Variants in OR3A2 observed in about 807,000 individuals in gnomAD.
The protein encoded by OR3A2 is olfactory receptor family 3 subfamily A member 2, also known as olfactory receptor 3A2.
For synonymous variants in OR3A2, 126 were observed against 159.3 expected (o/e 0.79, Z 1.57); for missense variants, 318 against 392.8 (o/e 0.81, Z 1.61).
intron 3 of OR3A2, among the ~76,000 whole-genome samples, chr17:3,318,944 T>G (rs1029262783): frequency 6.8e-6 from 1 of 146,568 alleles, no homozygotes; most frequent in Non-Finnish European, 1.5e-5. Flanking sequence ...ATTGTAGTTT[T>G]ACTTTGCATT....
upstream of OR3A2, among the ~76,000 whole-genome samples, chr17:3,288,618 C>T (rs866555700): frequency 8.5e-5 from 13 of 152,284 alleles, no homozygotes; most frequent in East Asian, 2.1e-3. Context: ...TACAGTATTT[C>T]ATCTAGTTTT....
Position 3,302,556 on chromosome 17 carries a change from T to A in OR3A2, c.-84-23403A>T, listed in dbSNP as rs188204686. Among the ~76,000 whole-genome samples the A allele has an allele frequency of 6.6e-5, 10 of 152,284 alleles. No individual in the cohort carries two copies. In the East Asian group the frequency reaches 1.9e-3, roughly 29 times the overall value. On this transcript the variant is annotated intron_variant, in intron 3 of 4. Transcript: ENST00000573491. ...AAAGCTGAAACTGGAGCAACAAAAA[T>A]TTTTATACACTGCTGGTGAGATCAT...
intron 3 of OR3A2, chr17:3,291,579 T>C (rs1383390271): frequency 1.4e-6 from 2 of 1,415,900 alleles, no homozygotes; most frequent in Non-Finnish European, 1.9e-6. Context: ...TTTCTGGCTC[T>C]AGAAGACTTT....
At chr17:3,371,838 A>C (rs1488791041) in intron 2 of OR3A2, among the ~76,000 whole-genome samples, 30 of 99,980 alleles carry the variant, frequency 3.0e-4, no homozygotes, top group African/African-American at 1.0e-3. Flanking sequence ...CCTCCCCACC[A>C]CCTCCCGCCC....
intron 2 of OR3A2, among the ~76,000 whole-genome samples, chr17:3,349,117 C>T (rs1438568314): frequency 6.6e-6 from 1 of 152,100 alleles, no homozygotes; most frequent in African/African-American, 2.4e-5. Flanking sequence ...GAAGAAACCG[C>T]ATCAACTAAC....
chr17:3,382,413 T>C (rs61173967), intron 2 of OR3A2, among the ~76,000 whole-genome samples: 2,331 of 152,300 alleles, frequency 0.015, 64 homozygotes, highest in African/African-American at 0.052. Context: ...GGAAACCCAC[T>C]GAAGTCTCTG....
chr17:3,375,459 T>C (rs2049675608), intron 2 of OR3A2, among the ~76,000 whole-genome samples: 1 of 151,664 alleles, frequency 6.6e-6, no homozygotes, highest in Admixed American at 6.6e-5. Context: ...TATGCCACCA[T>C]GTCTGGCTCA....
chr17:3,367,295 T>C (rs111330007), intron 2 of OR3A2, among the ~76,000 whole-genome samples: 97 of 152,260 alleles, frequency 6.4e-4, no homozygotes, highest in Admixed American at 1.2e-3. Context: ...ATTTGCGACA[T>C]TTTGGTCCAC....
intron 2 of OR3A2, among the ~76,000 whole-genome samples, chr17:3,343,471 T>C (rs1362214393): frequency 6.6e-6 from 1 of 152,220 alleles, no homozygotes; most frequent in Non-Finnish European, 1.5e-5. Flanking sequence ...GTATGCCCCA[T>C]CCAATATCTC....
chr17:3,380,066 C>A (rs1481468377), intron 2 of OR3A2, among the ~76,000 whole-genome samples: 1 of 152,216 alleles, frequency 6.6e-6, no homozygotes, highest in African/African-American at 2.4e-5. Context: ...TCCCAGCCTG[C>A]AGGCCACTCC....
intron 2 of OR3A2, among the ~76,000 whole-genome samples, chr17:3,370,250 T>C (rs763564341): frequency 6.6e-6 from 1 of 152,210 alleles, no homozygotes; most frequent in African/African-American, 2.4e-5. Flanking sequence ...TGGTTTAATC[T>C]AAGAGGGTTG....
At chr17:3,339,767 C>G (rs924150297) in intron 2 of OR3A2, among the ~76,000 whole-genome samples, 1 of 152,174 alleles carries the variant, frequency 6.6e-6, no homozygotes, top group Non-Finnish European at 1.5e-5. Flanking sequence ...GCTTTGGAAT[C>G]AGGATGATGC....
Position 3,367,599 on chromosome 17 carries a change from G to GTATATATAATATA in OR3A2, c.-179+16204_-179+16205insTATATTATATATA, listed in dbSNP as rs201439962. ...GGTGTATATGTATATGTGTGTGTGT[G>GTATATATAATATA]TGTATATATATATATATATATATGC... On this transcript the variant is annotated intron_variant, in intron 2 of 4. Coordinates refer to the OR3A2 transcript ENST00000573491. Among the ~76,000 whole-genome samples the GTATATATAATATA allele has an allele frequency of 1.8e-3, 153 of 85,968 alleles. 2 individuals are homozygous for GTATATATAATATA. The highest frequency in any genetic ancestry group is 6.8e-3 in the African/African-American group (135 of 19,810). The allele number at this position is 85,968 out of a possible 152,430, so 56.4% of individuals were successfully genotyped here. A position where few individuals can be genotyped will look rare whatever the true frequency, so the allele number is the denominator to read the frequency against.
At chr17:3,342,228 A>G (rs1240386059) in intron 2 of OR3A2, among the ~76,000 whole-genome samples, 4 of 152,106 alleles carry the variant, frequency 2.6e-5, no homozygotes. Context: ...TTTAGCTCAG[A>G]GAAGTTTGTT....
At chr17:3,299,565 C>T (rs1318796693) in intron 3 of OR3A2, among the ~76,000 whole-genome samples, 1 of 152,122 alleles carries the variant, frequency 6.6e-6, no homozygotes. Flanking sequence ...TAATGAACGG[C>T]GAATGTGGAG....
At chr17:3,326,100 T>C (rs2049169605) in intron 3 of OR3A2, among the ~76,000 whole-genome samples, 2 of 152,142 alleles carry the variant, frequency 1.3e-5, no homozygotes, top group Admixed American at 1.3e-4. Flanking sequence ...TCCATCCATG[T>C]TCCTGCAAAG....
rs2049044468 is a variant in OR3A2, at chr17:3,311,543, C to G, written c.-85+24490G>C. On this transcript the variant is annotated intron_variant, in intron 3 of 4. Coordinates refer to the OR3A2 transcript ENST00000573491. The surrounding 1 kb of genome is among the most constrained non-coding windows in gnomAD (Gnocchi z 4.6). ...AACCACTTCTACTGTGACCTCCCAC[C>G]TCTTTTCCAGCTCTCTTGCTCCAGC... is the stretch of plus-strand genomic sequence containing the variant. 2.3e-6 allele frequency: 1 copy of G among 427,758 alleles called. No individual in the cohort carries two copies. Among genetic ancestry groups the G allele is most frequent in the Non-Finnish European group, 4.7e-6 (1 of 211,638 alleles). 26.5% of individuals were successfully genotyped at this position (427,758 alleles called of 1,614,324 possible).
intron 2 of OR3A2, among the ~76,000 whole-genome samples, chr17:3,363,410 A>C (rs1311235638): frequency 6.6e-6 from 1 of 151,746 alleles, no homozygotes; most frequent in Non-Finnish European, 1.5e-5. Context: ...TCTTCACTAA[A>C]GCATAGCAAG....
intron 2 of OR3A2, among the ~76,000 whole-genome samples, chr17:3,374,416 T>G (rs2049661671): frequency 6.6e-6 from 1 of 152,230 alleles, no homozygotes; most frequent in South Asian, 2.1e-4. Context: ...ATTTCAGTTC[T>G]TTCTCAGGAA....
Sources: allele counts gnomAD v4.1 joint callset (sites outside exome capture counted in the v4.1 genomes callset), GRCh38; gene constraint gnomAD v4.1.1; non-coding constraint Gnocchi (gnomAD v3.1); transcripts MANE v1.5; gene names NCBI Gene and HGNC (gene_info 2026-07-23, HGNC 2026-07-21).